The following TNN variants were observed in gnomAD, a reference collection of about 807,000 sequenced individuals.
TNN encodes tenascin-N.
A neutral mutation model predicts 134.4 loss-of-function variants in TNN; 122 were observed. The ratio of observed to expected loss-of-function variants is 0.91; its 90% CI spans 0.78 to 1.06. The LOEUF is 1.06. TNN is among the 50% of genes least tolerant of loss of function. The probability of loss-of-function intolerance (pLI) is 0.00; values close to 1 mark genes in which losing one functional copy is unlikely to be tolerated. For missense variants in TNN, 1,739 were observed against 1,699.4 expected (o/e 1.02, Z -0.41); for synonymous variants, 710 against 670.3 (o/e 1.06, Z -0.91).
chr1:175,122,209 C>T (rs528544863), intron 11 of TNN, among the ~76,000 whole-genome samples: 33 of 116,448 alleles, frequency 2.8e-4, no homozygotes, highest in African/African-American at 1.1e-3. Flanking sequence ...TGGTGAAATC[C>T]TGTCTTTACA....
intron 9 of TNN, among the ~76,000 whole-genome samples, chr1:175,115,228 T>C (rs1484043278): frequency 6.6e-6 from 1 of 152,128 alleles, no homozygotes; most frequent in Non-Finnish European, 1.5e-5. Flanking sequence ...AATGTGCCAC[T>C]CCAGCTCAGT....
rs968111368 is a variant in TNN at position 175,097,397 on chromosome 1, C to T, written c.1589-20C>T. 1 of 1,613,708 alleles carries T rather than the reference C, an allele frequency of 6.2e-7. No individual in the cohort carries two copies. The highest frequency in any genetic ancestry group is 1.3e-5 in the African/African-American group (1 of 75,052). ...AGAGGGTGGTAAAGGCTACATTCTT[C>T]TTTCATCTCTCTCTTAAAGAAATTG... On this transcript the variant is annotated intron_variant, in intron 7 of 18. Transcript: ENST00000239462.
At chr1:175,079,995 C>G (rs1178753424) in intron 3 of TNN, among the ~76,000 whole-genome samples, 168 bp from the exon 4 acceptor site, 1 of 151,378 alleles carries the variant, frequency 6.6e-6, no homozygotes, top group African/African-American at 2.4e-5. Context: ...GTGAGGGGGT[C>G]AGTATTAATT....
At chr1:175,124,318 C>G (rs964582164) in intron 12 of TNN, among the ~76,000 whole-genome samples, 4 of 151,712 alleles carry the variant, frequency 2.6e-5, no homozygotes, top group Non-Finnish European at 5.9e-5. Context: ...CATTTTTAAT[C>G]TAAAAAGTAA....
intron 9 of TNN, among the ~76,000 whole-genome samples, chr1:175,105,149 T>A (rs1236836993): frequency 1.4e-5 from 2 of 146,204 alleles, no homozygotes; most frequent in African/African-American, 4.9e-5. Flanking sequence ...GGCCAGGGTT[T>A]GATCTAACAG....
intron 15 of TNN, among the ~76,000 whole-genome samples, chr1:175,135,544 C>A (rs183263081): frequency 6.6e-6 from 1 of 152,096 alleles, no homozygotes; most frequent in Non-Finnish European, 1.5e-5. Flanking sequence ...AATATCTTGC[C>A]CTAGACAACC....
intron 10 of TNN, among the ~76,000 whole-genome samples, chr1:175,117,476 G>A (rs1675216926): frequency 6.6e-6 from 1 of 152,128 alleles, no homozygotes; most frequent in Non-Finnish European, 1.5e-5. Context: ...GCTGTAGACA[G>A]TATCGAGGGT....
At chr1:175,110,243 G>C (rs1674986145) in intron 9 of TNN, among the ~76,000 whole-genome samples, 1 of 152,094 alleles carries the variant, frequency 6.6e-6, no homozygotes, top group African/African-American at 2.4e-5. Flanking sequence ...TATTGAGTTT[G>C]AACTCCTTAT....
intron 15 of TNN, among the ~76,000 whole-genome samples, chr1:175,135,053 C>A (rs1160636177): frequency 2.6e-5 from 4 of 152,168 alleles, no homozygotes; most frequent in Non-Finnish European, 2.9e-5. Context: ...GAAGCCCCAA[C>A]ATTCACCCCC....
intron 11 of TNN, among the ~76,000 whole-genome samples, chr1:175,121,320 TC>T (rs1675370620): frequency 6.6e-6 from 1 of 152,050 alleles, no homozygotes; most frequent in Non-Finnish European, 1.5e-5. Context: ...ATGTGTGATG[TC>T]CCCCAGCTGG....
At chr1:175,108,217 C>T (rs971372997) in intron 9 of TNN, among the ~76,000 whole-genome samples, 2 of 150,686 alleles carry the variant, frequency 1.3e-5, no homozygotes, top group East Asian at 4.0e-4. Context: ...TTTACAATCC[C>T]TGAGCTAGAC....
intron 15 of TNN, among the ~76,000 whole-genome samples, chr1:175,130,288 A>C (rs79975402): frequency 2.6e-5 from 4 of 152,240 alleles, no homozygotes; most frequent in African/African-American, 9.6e-5. Context: ...ATGAATAAAA[A>C]GATACCATCT....
chr1:175,078,209 C>T (rs1674101293), intron 2 of TNN, among the ~76,000 whole-genome samples: 1 of 152,160 alleles, frequency 6.6e-6, no homozygotes, highest in Non-Finnish European at 1.5e-5. Context: ...CCCAGTTCTA[C>T]CACTTTTTAG....
At chr1:175,076,104 C>T (rs1674033627) in intron 1 of TNN, among the ~76,000 whole-genome samples, 1 of 152,148 alleles carries the variant, frequency 6.6e-6, no homozygotes, top group South Asian at 2.1e-4. Flanking sequence ...AGCTGGGTCT[C>T]TTGTGGTCTG....
intron 1 of TNN, among the ~76,000 whole-genome samples, chr1:175,075,151 C>A (rs1674011524): frequency 6.6e-6 from 1 of 152,242 alleles, no homozygotes; most frequent in South Asian, 2.1e-4. Flanking sequence ...CAGGGCTCTT[C>A]ACCCCCTGTT....
intron 18 of TNN, 30 bp downstream of exon 18, chr1:175,144,580 C>T (rs1463578406): frequency 1.6e-5 from 26 of 1,608,946 alleles, no homozygotes; most frequent in Non-Finnish European, 2.2e-5. Flanking sequence ...CTTTTCTGTC[C>T]CAGGGTATGT....
At chr1:175,145,569 A>AAAAAAAAAAAAAAAAAAAAACC (rs1558378521) in intron 18 of TNN, among the ~76,000 whole-genome samples, 1 of 148,764 alleles carries the variant, frequency 6.7e-6, no homozygotes, top group African/African-American at 2.5e-5. Context: ...AAAAAAAAAA[A>AAAAAAAAAAAAAAAAAAAAACC]AAAAAAGCTG....
chr1:175,142,511 C>A (rs1304372812), intron 17 of TNN, among the ~76,000 whole-genome samples: 1 of 152,214 alleles, frequency 6.6e-6, no homozygotes, highest in Non-Finnish European at 1.5e-5. Flanking sequence ...CTGTAGCCTG[C>A]GTCAGATCAT....
chr1:175,103,493 G>A (rs974212159), intron 9 of TNN, among the ~76,000 whole-genome samples: 1 of 145,858 alleles, frequency 6.9e-6, no homozygotes, highest in African/African-American at 2.5e-5. Flanking sequence ...ATGGGTTGAA[G>A]ATCCACATAA....
Sources: allele counts gnomAD v4.1 joint callset (sites outside exome capture counted in the v4.1 genomes callset), GRCh38; gene constraint gnomAD v4.1.1; transcripts MANE v1.5; gene names NCBI Gene and HGNC (gene_info 2026-07-23, HGNC 2026-07-21).